Variants in COL14A1 observed in about 807,000 individuals in gnomAD.
The protein encoded by COL14A1 is collagen type XIV alpha 1 chain.
COL14A1 carries 136 observed loss-of-function variants against 230.3 expected under a neutral mutation model. That is an observed-to-expected ratio of 0.59 (90% CI 0.51 to 0.68). COL14A1 has a LOEUF of 0.68. Among genes scored for constraint, COL14A1 ranks in the 30% least tolerant of loss-of-function variants. The pLI is 0.00. For synonymous variants in COL14A1, 792 were observed against 784.1 expected, an observed-to-expected ratio of 1.01 and a Z score of -0.17; for missense variants, 1,976 against 2,215.8, an observed-to-expected ratio of 0.89 and a Z score of 2.17.
chr8:120,250,131 T>C (rs1012676704), intron 21 of COL14A1, among the ~76,000 whole-genome samples: 15 of 152,276 alleles, frequency 9.9e-5, no homozygotes, highest in African/African-American at 3.6e-4. Flanking sequence ...GTATTAAACA[T>C]CCTAAAAGGA....
intron 20 of COL14A1, among the ~76,000 whole-genome samples, chr8:120,247,340 T>C (rs1040256705): frequency 2.0e-5 from 3 of 152,122 alleles, no homozygotes; most frequent in African/African-American, 7.2e-5. Context: ...GGAGAATTAC[T>C]TGAATCCAGG....
In COL14A1 at chr8:120,174,479, C is replaced by T. The variant is rs141963842; in HGVS notation, c.436+6232C>T. On this transcript the variant is annotated intron_variant, in intron 5 of 47. Coordinates refer to ENST00000297848, the MANE Select transcript of COL14A1 (RefSeq NM_021110.4). ...CAAATTAAAACTAAGAAGTAGACAACGGAAGAGTGAGGCTACTATTGGCAA... is the reference window on the plus strand; with the variant it reads ...CAAATTAAAACTAAGAAGTAGACAATGGAAGAGTGAGGCTACTATTGGCAA... Among the ~76,000 whole-genome samples, 726 of 152,222 alleles carry T rather than the reference C, an allele frequency of 4.8e-3. 4 individuals are homozygous for T. The highest frequency in any genetic ancestry group is 8.0e-3 in the Non-Finnish European group (542 of 68,002).
At chr8:120,315,642 G>T (rs987012526) in intron 39 of COL14A1, 56 bp downstream of exon 39, 39 of 1,407,536 alleles carry the variant, frequency 2.8e-5, no homozygotes, top group African/African-American at 1.2e-4. Context: ...TGCCAAGGGG[G>T]AAAAAAAAGC....
intron 40 of COL14A1, among the ~76,000 whole-genome samples, chr8:120,329,142 T>A (rs1821785758): frequency 6.6e-6 from 1 of 152,210 alleles, no homozygotes; most frequent in Admixed American, 6.5e-5. Context: ...ACTTATAAAC[T>A]TATTTTAAAA....
intron 42 of COL14A1, among the ~76,000 whole-genome samples, chr8:120,333,478 A>G (rs7017523): frequency 0.53 from 80,960 of 152,084 alleles, 23,011 homozygotes; most frequent in African/African-American, 0.75. Flanking sequence ...TGCTAAGTCT[A>G]CATCCATAAA....
chr8:120,245,561 A>T (rs865906216), intron 20 of COL14A1, among the ~76,000 whole-genome samples: 17 of 152,086 alleles, frequency 1.1e-4, no homozygotes, highest in African/African-American at 4.1e-4. Context: ...TAAAACAGTG[A>T]CCATTTTTTT....
At chr8:120,333,717 G>A (rs10100328) in intron 42 of COL14A1, among the ~76,000 whole-genome samples, 5,024 of 152,254 alleles carry the variant, frequency 0.033, 278 homozygotes, top group African/African-American at 0.11. Context: ...GGAAGGTGTC[G>A]GTATTTCCTT....
chr8:120,368,648 A>T (rs2130396901), intron 46 of COL14A1, among the ~76,000 whole-genome samples: 1 of 151,820 alleles, frequency 6.6e-6, no homozygotes, highest in Admixed American at 6.6e-5. Context: ...TCTTCAATTC[A>T]CAACAGTTTT....
At chr8:120,362,972 G>A (rs1294139120) in intron 45 of COL14A1, among the ~76,000 whole-genome samples, 1 of 152,098 alleles carries the variant, frequency 6.6e-6, no homozygotes, top group Non-Finnish European at 1.5e-5. Context: ...AAACTTCATT[G>A]GAGCCAATTA....
chr8:120,249,329 T>C (rs1462704562), intron 21 of COL14A1, among the ~76,000 whole-genome samples: 5 of 152,030 alleles, frequency 3.3e-5, no homozygotes, highest in Admixed American at 6.6e-5. Flanking sequence ...AAGACTCAAA[T>C]ACTCCCACCT....
Position 120,133,313 on chromosome 8 carries a change from AT to A in COL14A1, c.-38+7974del, listed in dbSNP as rs543223420. Among the ~76,000 whole-genome samples, 51 of 152,216 alleles carry A rather than the reference AT, an allele frequency of 3.4e-4. 1 individual carries two copies. The East Asian group carries it at 8.5e-3, about 25-fold the overall frequency. Reference sequence around the variant, plus strand: ...GTTATTTTTTATAAAACTGGAAAAAATAATACTGATATCAAAACTTGACACA... The same window carrying A: ...GTTATTTTTTATAAAACTGGAAAAAAAATACTGATATCAAAACTTGACACA... On this transcript the variant is annotated intron_variant, in intron 1 of 47. Transcript: ENST00000297848.
intron 24 of COL14A1, among the ~76,000 whole-genome samples, chr8:120,263,556 C>T (rs1173282725): frequency 6.6e-6 from 1 of 152,164 alleles, no homozygotes; most frequent in Non-Finnish European, 1.5e-5. Context: ...TTCCAAAGAG[C>T]AAGGAGAGTG....
intron 2 of COL14A1, among the ~76,000 whole-genome samples, chr8:120,156,838 G>A (rs1219908330): frequency 1.3e-5 from 2 of 152,154 alleles, no homozygotes; most frequent in African/African-American, 4.8e-5. Context: ...AAGGTTATTA[G>A]CTAAGTGGTA....
intron 40 of COL14A1, among the ~76,000 whole-genome samples, chr8:120,318,730 G>A (rs1035302922): frequency 1.3e-5 from 2 of 152,074 alleles, no homozygotes; most frequent in African/African-American, 4.8e-5. Context: ...AAAAGGCAAA[G>A]CTGCATTTGG....
At chr8:120,208,396 T>C in intron 11 of COL14A1, 35 bp downstream of exon 11, 1 of 1,600,668 alleles carries the variant, frequency 6.2e-7, no homozygotes, top group South Asian at 1.1e-5. Context: ...TCTAACTTTG[T>C]AGAGTGCTGC....
intron 1 of COL14A1, among the ~76,000 whole-genome samples, chr8:120,142,409 T>A (rs1450011815): frequency 6.6e-6 from 1 of 152,228 alleles, no homozygotes; most frequent in African/African-American, 2.4e-5. Context: ...TTTGTAGGGT[T>A]AGGGTTATAT....
At chr8:120,189,200 T>C (rs1816737958) in intron 5 of COL14A1, among the ~76,000 whole-genome samples, 1 of 152,226 alleles carries the variant, frequency 6.6e-6, no homozygotes, top group Non-Finnish European at 1.5e-5. Flanking sequence ...TGTTTGCCCC[T>C]GGCACAGGCA....
chr8:120,199,469 C>G lies in COL14A1; in HGVS notation c.780C>G (p.Ser260=). 6.2e-7 allele frequency: 1 copy of G among 1,612,296 alleles called. No homozygotes were observed. The highest frequency in any genetic ancestry group is 1.1e-5 in the South Asian group (1 of 90,654). The change falls in exon 8 of 48, where the codon TCC becomes TCG. Residue 260 remains serine (S), a synonymous_variant. Coordinates refer to ENST00000297848, the MANE Select transcript of COL14A1 (RefSeq NM_021110.4). ...KPEAGSRTGV[S]KIGILITDGK... ...AAGCAGGATCAAGGACTGGAGTATC[C>G]AAAATTGGCATTTTAATCACAGATG...
intron 20 of COL14A1, among the ~76,000 whole-genome samples, chr8:120,246,948 A>G (rs1818784929): frequency 6.6e-6 from 1 of 152,208 alleles, no homozygotes; most frequent in South Asian, 2.1e-4. Context: ...ACACACCCCC[A>G]GTATTGCTGT....
Sources: allele counts gnomAD v4.1 joint callset (sites outside exome capture counted in the v4.1 genomes callset), GRCh38; gene constraint gnomAD v4.1.1; transcripts MANE v1.5; gene names NCBI Gene and HGNC (gene_info 2026-07-23, HGNC 2026-07-21).